CHCHD3: variants seen among roughly 807,000 people sequenced by gnomAD.
CHCHD3 encodes the protein coiled-coil-helix-coiled-coil-helix domain containing 3.
CHCHD3 carries 20 observed loss-of-function variants against 38.2 expected under a neutral mutation model. The ratio of observed to expected loss-of-function variants is 0.52; its 90% confidence interval spans 0.37 to 0.76. CHCHD3 has a LOEUF of 0.76. Ranked by LOEUF, CHCHD3 falls within the 30% of genes least tolerant of loss-of-function variation. CHCHD3 has a pLI of 0.00. For synonymous variants in CHCHD3, 82 were observed against 100.0 expected (o/e 0.82, Z 1.07); for missense variants, 245 against 279.2 (o/e 0.88, Z 0.87).
intron 6 of CHCHD3, among the ~76,000 whole-genome samples, chr7:132,824,172 T>C (rs1031761388): frequency 3.9e-5 from 6 of 152,136 alleles, no homozygotes; most frequent in South Asian, 2.1e-4. Flanking sequence ...GTATACAACA[T>C]CTATGCACCC....
chr7:132,798,804 G>C (rs1045239820), intron 6 of CHCHD3, among the ~76,000 whole-genome samples: 1 of 152,132 alleles, frequency 6.6e-6, no homozygotes, highest in African/African-American at 2.4e-5. Flanking sequence ...CTCACGATGG[G>C]ATAATTCACC....
intron 5 of CHCHD3, among the ~76,000 whole-genome samples, chr7:132,870,888 T>C (rs73447476): frequency 0.011 from 1,641 of 152,294 alleles, 35 homozygotes; most frequent in African/African-American, 0.038. Context: ...TTGAAAAAAG[T>C]GTAATTTTAT....
intron 4 of CHCHD3, among the ~76,000 whole-genome samples, chr7:132,929,980 C>G (rs1311155721): frequency 6.6e-6 from 1 of 152,106 alleles, no homozygotes; most frequent in Non-Finnish European, 1.5e-5. Context: ...CAAGAGAAAG[C>G]CTTATCCAGT....
intron 6 of CHCHD3, among the ~76,000 whole-genome samples, chr7:132,828,454 G>A (rs1000899369): frequency 6.6e-6 from 1 of 151,916 alleles, no homozygotes; most frequent in Admixed American, 6.6e-5. Flanking sequence ...TCTTAAGATG[G>A]GCAGAATTTT....
At chr7:132,789,451 C>A (rs1054446012) in intron 7 of CHCHD3, among the ~76,000 whole-genome samples, 1 of 152,176 alleles carries the variant, frequency 6.6e-6, no homozygotes, top group African/African-American at 2.4e-5. Context: ...TGAAGAACAA[C>A]CGGCAGCTCA....
At chr7:132,906,520 T>C (rs1395072195) in intron 4 of CHCHD3, among the ~76,000 whole-genome samples, 1 of 152,210 alleles carries the variant, frequency 6.6e-6, no homozygotes, top group Non-Finnish European at 1.5e-5. Flanking sequence ...TATATTTTAC[T>C]ACTAATAATG....
chr7:133,028,364 A>C (rs978408724), intron 2 of CHCHD3, among the ~76,000 whole-genome samples: 2 of 152,168 alleles, frequency 1.3e-5, no homozygotes, highest in Non-Finnish European at 2.9e-5. Context: ...TAAGTAAACT[A>C]ATAAAATTGT....
intron 5 of CHCHD3, among the ~76,000 whole-genome samples, chr7:132,861,903 T>C (rs963152232): frequency 1.3e-5 from 2 of 152,154 alleles, no homozygotes; most frequent in Non-Finnish European, 2.9e-5. Context: ...TGTCAAGGAA[T>C]AGAAAGGTAA....
At chr7:132,915,048 G>C (rs551473830) in intron 4 of CHCHD3, among the ~76,000 whole-genome samples, 7 of 151,698 alleles carry the variant, frequency 4.6e-5, no homozygotes, top group Admixed American at 3.9e-4. Context: ...TGTAGTCCCA[G>C]CTATTAGGGA....
At chr7:132,899,014 G>C (rs2117199063) in intron 4 of CHCHD3, among the ~76,000 whole-genome samples, 1 of 152,322 alleles carries the variant, frequency 6.6e-6, no homozygotes, top group South Asian at 2.1e-4. Flanking sequence ...CAAGCTGAGG[G>C]AGCGGGCTCT....
chr7:132,934,455 T>C (rs887418213), intron 4 of CHCHD3, among the ~76,000 whole-genome samples: 1 of 152,224 alleles, frequency 6.6e-6, no homozygotes, highest in African/African-American at 2.4e-5. Flanking sequence ...CACAGTTCTC[T>C]ATCATCTGAC....
chr7:132,881,411 C>A (rs376061494), intron 5 of CHCHD3, among the ~76,000 whole-genome samples: 2 of 152,132 alleles, frequency 1.3e-5, no homozygotes, highest in South Asian at 4.1e-4. Flanking sequence ...CAAAAGAAAT[C>A]TGCATCAAGC....
chr7:132,791,869 A>G (rs538533123), intron 7 of CHCHD3, among the ~76,000 whole-genome samples: 1 of 152,174 alleles, frequency 6.6e-6, no homozygotes, highest in Non-Finnish European at 1.5e-5. Context: ...CCTGACCCCA[A>G]GTTCCTCACT....
intron 3 of CHCHD3, among the ~76,000 whole-genome samples, chr7:132,981,074 C>T (rs1811905450): frequency 6.6e-6 from 1 of 152,078 alleles, no homozygotes; most frequent in Non-Finnish European, 1.5e-5. Context: ...CAACCTCTGC[C>T]TCCCAGGCTC....
At chr7:132,993,578 G>A (rs1026235239) in intron 3 of CHCHD3, among the ~76,000 whole-genome samples, 9 of 152,170 alleles carry the variant, frequency 5.9e-5, no homozygotes, top group African/African-American at 1.9e-4. Flanking sequence ...CCAGAGCTCA[G>A]GTCCCACTGT....
chr7:133,015,353 T>TAAAC (rs1000186473), intron 3 of CHCHD3, among the ~76,000 whole-genome samples: 6 of 128,952 alleles, frequency 4.7e-5, no homozygotes, highest in African/African-American at 1.6e-4. Flanking sequence ...AAAAATTAAA[T>TAAAC]AAATAAATAA....
At chr7:132,903,641 TG>T (rs1369815260) in intron 4 of CHCHD3, among the ~76,000 whole-genome samples, 3 of 152,206 alleles carry the variant, frequency 2.0e-5, no homozygotes, top group Non-Finnish European at 4.4e-5. Context: ...TCTTGCCTTC[TG>T]GGGAAGTCAG....
chr7:132,998,456 G>C (rs568273030), intron 3 of CHCHD3, among the ~76,000 whole-genome samples: 3 of 152,124 alleles, frequency 2.0e-5, no homozygotes, highest in Non-Finnish European at 4.4e-5. Flanking sequence ...GTGTGAAATT[G>C]ATGCTTCACC....
At chr7:132,966,986 AT>A (rs748194513) in intron 4 of CHCHD3, among the ~76,000 whole-genome samples, 3 of 152,224 alleles carry the variant, frequency 2.0e-5, no homozygotes, top group African/African-American at 4.8e-5. Context: ...TGATGGAATT[AT>A]AACCAGCCCT....
Sources: gnomAD v4.1 joint callset for allele counts (sites outside exome capture counted in the v4.1 genomes callset) on GRCh38, gnomAD v4.1.1 for gene constraint, MANE v1.5 for transcripts, NCBI Gene and HGNC (gene_info 2026-07-23, HGNC 2026-07-21) for gene names.